Variants in TTC7A observed in about 807,000 individuals in gnomAD.
TTC7A encodes the protein tetratricopeptide repeat protein 7A.
A neutral mutation model predicts 103.7 loss-of-function variants in TTC7A; 110 were observed. The observed-to-expected ratio is 1.06, with a 90% confidence interval of 0.91 to 1.24. The LOEUF (loss-of-function observed/expected upper bound fraction) is 1.24. Among genes scored for constraint, TTC7A ranks in the 50% most tolerant of loss-of-function variants. The pLI is 0.00. For missense variants in TTC7A, 1,340 were observed against 1,116.3 expected, an observed-to-expected ratio of 1.20 and a Z score of -2.86; for synonymous variants, 521 against 467.9, an observed-to-expected ratio of 1.11 and a Z score of -1.47.
chr2:46,941,558 C>G lies in TTC7A; in HGVS notation c.17C>G (p.Ala6Gly), dbSNP rs746706559. The G allele has an allele frequency of 6.4e-7, 1 of 1,555,404 alleles. No homozygotes were observed. The highest frequency in any genetic ancestry group is 1.2e-5 in the South Asian group (1 of 84,356). The change falls in exon 1 of 20, where the codon GCG (alanine) becomes GGG (glycine). Residue 6 changes from alanine (A) to glycine (G), a missense_variant. Coordinates refer to ENST00000319190, the MANE Select transcript of TTC7A (RefSeq NM_020458.4). The surrounding 1 kb of genome is among the most constrained non-coding windows in gnomAD (Gnocchi z 4.2). ...CGCGAGAAGATGGCTGCGAAGGGCG[C>G]GCACGGCTCCTACCTGAAGGTGGAG... MAAKG[A>G]HGSYLKVESE...
chr2:47,033,130 T>C (rs1263796525), intron 15 of TTC7A, among the ~76,000 whole-genome samples: 6 of 152,210 alleles, frequency 3.9e-5, no homozygotes, highest in Admixed American at 1.3e-4. Context: ...TGCTCTTCGA[T>C]TGACACTGCT....
chr2:47,009,417 G>A lies in TTC7A; in HGVS notation c.1288-1914G>A, dbSNP rs1313156766. On this transcript the variant is annotated intron_variant, in intron 10 of 19. Coordinates refer to ENST00000319190, the MANE Select transcript of TTC7A (RefSeq NM_020458.4). The stretch of plus-strand genomic sequence containing the variant: ...CCCCTTTCCTGAGTGACCGCACAAC[G>A]CCTAGCCCAGTACTGGGTGAGAGCA... 5.3e-5 allele frequency among the ~76,000 whole-genome samples: 8 copies of A among 152,066 alleles called. No individual in the cohort carries two copies. In the East Asian group the frequency reaches 7.7e-4, roughly 15 times the overall value.
chr2:47,009,903 T>TGGGGGGGGG (rs1182344583), intron 10 of TTC7A, among the ~76,000 whole-genome samples: 1 of 56,574 alleles, frequency 1.8e-5, no homozygotes, highest in Non-Finnish European at 3.7e-5. Flanking sequence ...TTTTTTTTTT[T>TGGGGGGGGG]GGTGGTGGGG....
At chr2:47,018,121 A>T (rs1678870099) in intron 11 of TTC7A, among the ~76,000 whole-genome samples, 1 of 151,616 alleles carries the variant, frequency 6.6e-6, no homozygotes, top group South Asian at 2.1e-4. Flanking sequence ...TACAAACAAT[A>T]CAAAAATTAG....
intron 2 of TTC7A, among the ~76,000 whole-genome samples, chr2:46,931,495 A>T (rs1216399467): frequency 6.6e-6 from 1 of 151,988 alleles, no homozygotes; most frequent in African/African-American, 2.4e-5. Context: ...TAATCACAAG[A>T]GTCTTTCTAA....
At chr2:47,066,352 C>A (rs1429762681) in intron 19 of TTC7A, among the ~76,000 whole-genome samples, 1 of 152,114 alleles carries the variant, frequency 6.6e-6, no homozygotes, top group Non-Finnish European at 1.5e-5. Flanking sequence ...TCTTAAATCC[C>A]CAGAAGCTCC....
chr2:46,916,341 C>T (rs1668788708), exon 1 of TTC7A: 1 of 220,342 alleles, frequency 4.5e-6, no homozygotes, highest in Non-Finnish European at 7.7e-6. Flanking sequence ...CAAGCTGCGG[C>T]AGCCGCTGTC....
In TTC7A at chr2:46,941,747, C is replaced by T. The variant is rs537814816; in HGVS notation, c.184+22C>T. ...ACCGGTGAGTAAGGGAAGAGGCTGG[C>T]TCGCCGGCAGCGAGCGCGCGAAACG... On this transcript the variant is annotated intron_variant, in intron 1 of 19. Coordinates refer to ENST00000319190, the MANE Select transcript of TTC7A (RefSeq NM_020458.4). This position sits in a 1 kb window ranked among gnomAD's most constrained non-coding sequence, Gnocchi z 4.2. 5.8e-6 allele frequency: 9 copies of T among 1,547,668 alleles called. 1 individual carries two copies. In the South Asian group the frequency reaches 7.2e-5, roughly 12 times the overall value.
chr2:46,991,175 CA>C (rs1328211736), intron 5 of TTC7A, among the ~76,000 whole-genome samples: 4 of 151,902 alleles, frequency 2.6e-5, no homozygotes, highest in Non-Finnish European at 5.9e-5. Context: ...CTCGGCCTCC[CA>C]AAGTGCTGGG....
At chr2:47,043,131 C>T (rs1459123927) in intron 15 of TTC7A, among the ~76,000 whole-genome samples, 1 of 152,222 alleles carries the variant, frequency 6.6e-6, no homozygotes. Flanking sequence ...AGCAGCTACC[C>T]GTTGCAGTGG....
chr2:46,998,087 G>A (rs1485842252), intron 8 of TTC7A, among the ~76,000 whole-genome samples: 1 of 152,130 alleles, frequency 6.6e-6, no homozygotes, highest in South Asian at 2.1e-4. Context: ...GGCTGGCCAG[G>A]TGGTGTCCTG....
rs1234466462 is a variant in TTC7A, at chr2:46,987,807, C to CGTGTGT, written c.765-5642_765-5641insTGTGTG. Among the ~76,000 whole-genome samples the CGTGTGT allele has an allele frequency of 9.6e-4, 106 of 110,102 alleles. 2 individuals carry two copies. The East Asian group carries it at 0.014, about 15-fold the overall frequency. The allele number at this position is 110,102 out of a possible 152,430, so 72.2% of individuals were successfully genotyped here. ...CCGGTGAAAGCACTGTCCCTTTCCGCGCGTGTGTGTGTGTGTGTGTGTGTG... is the reference window on the plus strand; with the variant it reads ...CCGGTGAAAGCACTGTCCCTTTCCGCGTGTGTGCGTGTGTGTGTGTGTGTGTGTGTG... On this transcript the variant is annotated intron_variant, in intron 5 of 19. Transcript: ENST00000319190.
At chr2:47,065,007 G>A (rs1684070885) in intron 19 of TTC7A, among the ~76,000 whole-genome samples, 1 of 152,234 alleles carries the variant, frequency 6.6e-6, no homozygotes, top group Admixed American at 6.5e-5. Context: ...TAGCTTAGAG[G>A]CCCAGCTCAG....
chr2:46,958,818 G>C (rs1358137368), intron 3 of TTC7A, among the ~76,000 whole-genome samples: 1 of 152,210 alleles, frequency 6.6e-6, no homozygotes, highest in African/African-American at 2.4e-5. Flanking sequence ...TTCCCATGCA[G>C]AGTAGAGGCC....
chr2:46,961,910 G>C (rs935414739), intron 3 of TTC7A, among the ~76,000 whole-genome samples: 1 of 152,102 alleles, frequency 6.6e-6, no homozygotes, highest in African/African-American at 2.4e-5. Flanking sequence ...CTCCGTCTCA[G>C]AAAAACAAAA....
intron 2 of TTC7A, among the ~76,000 whole-genome samples, chr2:46,927,881 G>A (rs1187504070): frequency 7.4e-6 from 1 of 135,290 alleles, no homozygotes; most frequent in Non-Finnish European, 1.6e-5. Context: ...GGGTTTTTTT[G>A]GTGTTTTTTT....
At chr2:47,068,928 C>A (rs949003724) in intron 19 of TTC7A, among the ~76,000 whole-genome samples, 1 of 151,744 alleles carries the variant, frequency 6.6e-6, no homozygotes, top group South Asian at 2.1e-4. Flanking sequence ...TAATGCGGCC[C>A]TTTCTCCCTG....
intron 15 of TTC7A, among the ~76,000 whole-genome samples, chr2:47,031,269 T>C (rs577390505): frequency 6.6e-6 from 1 of 152,344 alleles, no homozygotes; most frequent in South Asian, 2.1e-4. Context: ...CTTGTCTTGT[T>C]AATCCCAAGT....
intron 19 of TTC7A, among the ~76,000 whole-genome samples, chr2:47,061,179 A>G (rs1683753186): frequency 6.6e-6 from 1 of 152,110 alleles, no homozygotes; most frequent in Non-Finnish European, 1.5e-5. Flanking sequence ...GACACAGGCC[A>G]TTTCCCTTCA....
Sources: allele counts gnomAD v4.1 joint callset (sites outside exome capture counted in the v4.1 genomes callset), GRCh38; gene constraint gnomAD v4.1.1; non-coding constraint Gnocchi (gnomAD v3.1); transcripts MANE v1.5; gene names NCBI Gene and HGNC (gene_info 2026-07-23, HGNC 2026-07-21).